CACTIN: variants seen among roughly 807,000 people sequenced by gnomAD.
CACTIN encodes the protein splicing factor Cactin.
Under a neutral mutation model 84.9 loss-of-function variants are expected in CACTIN, and 20 were observed. The observed-to-expected ratio is 0.24, with a 90% CI of 0.17 to 0.34. The LOEUF is 0.34. Among genes scored for constraint, CACTIN ranks in the 10% least tolerant of loss-of-function variants. The pLI, the probability that CACTIN is intolerant of heterozygous loss-of-function variation, is 1.00. For missense variants in CACTIN, 897 were observed against 1,117.2 expected (o/e 0.80, Z 2.81); for synonymous variants, 549 against 467.9 (o/e 1.17, Z -2.24).
intron 2 of CACTIN, among the ~76,000 whole-genome samples, chr19:3,622,418 G>A (rs1157760832): frequency 6.6e-6 from 1 of 151,706 alleles, no homozygotes. Context: ...GTAAGATGAG[G>A]TCATCCTGGA....
At chr19:3,618,020 C>A (rs2033140836) in intron 6 of CACTIN, among the ~76,000 whole-genome samples, 1 of 152,222 alleles carries the variant, frequency 6.6e-6, no homozygotes. Flanking sequence ...TCCTCGGCCA[C>A]CATGATGGCA....
Position 3,612,407 on chromosome 19 carries a change from G to C in CACTIN, c.1793C>G (p.Ala598Gly). Residue 598 changes from alanine to glycine, a missense_variant, in exon 10 of 10, where the codon GCC becomes GGC. By Grantham distance (60) the Ala-to-Gly change is moderately conservative. Around this residue, in one of 8 missense-constraint regions of CACTIN, gnomAD observed 243 missense variants for 239.9 expected, o/e 1.01. Transcript: ENST00000429344. ...SRQQLQVTGDASESAEDIFFR... is the reference protein window; with the variant it reads ...SRQQLQVTGDGSESAEDIFFR... ...GAAGATGTCCTCGGCGCTCTCGCTG[G>C]CGTCTCCTGCGGGCGGGACGGCGTT... The C allele has an allele frequency of 6.3e-7, 1 of 1,591,002 alleles. No individual in the cohort carries two copies. The highest frequency in any genetic ancestry group is 8.5e-7 in the Non-Finnish European group (1 of 1,172,502).
intron 6 of CACTIN, chr19:3,616,130 G>C (rs1266016213): frequency 6.6e-6 from 1 of 152,252 alleles, no homozygotes; most frequent in African/African-American, 2.4e-5. Context: ...AGCTGCTAGA[G>C]GCTGGGGGTG....
In CACTIN at chr19:3,622,115, C is replaced by T. The variant is rs929081027; in HGVS notation, c.643-1313G>A. On this transcript the variant is annotated intron_variant, in intron 2 of 9. Transcript: ENST00000429344. ...GTATGGTGGCTGACACCTGTAATCC[C>T]AGCATATTGGGAGGCCAAGGCGGGC... is the stretch of plus-strand genomic sequence containing the variant. Among the ~76,000 whole-genome samples, 10 of 152,232 alleles carry T rather than the reference C, an allele frequency of 6.6e-5. 1 individual carries two copies. In the South Asian group the frequency reaches 2.1e-3, roughly 32 times the overall value.
At position 3,611,154 on chromosome 19, in the gene CACTIN, G is replaced by T. The variant is rs1205848054; in HGVS notation, c.*769C>A. 7.7e-6 allele frequency: 3 copies of T among 388,334 alleles called. No individual in the cohort carries two copies. Among genetic ancestry groups the T allele is most frequent in the African/African-American group, 2.1e-5 (1 of 47,872 alleles). The allele number at this position is 388,334 out of a possible 1,614,324, so 24.1% of individuals were successfully genotyped here. On this transcript the variant is annotated 3_prime_UTR_variant, in exon 10 of 10. Transcript: ENST00000429344. ...CCCTCCAGGCCCTGTGCTCAGAGGT[G>T]GGGGGAGGACGGCTCAGTGACTTTT... is the stretch of plus-strand genomic sequence containing the variant.
Position 3,613,332 on chromosome 19 carries a change from G to A in CACTIN, c.1512C>T (p.Pro504=), listed in dbSNP as rs907008950. Residue 504 remains proline, a synonymous_variant, in exon 9 of 10, where the codon CCC becomes CCT. Coordinates refer to ENST00000429344, the MANE Select transcript of CACTIN (RefSeq NM_001080543.2). The part of the protein sequence containing the change: ...LEPEDAAPTP[P]GPSSEGGPAE... Reference sequence around the variant, plus strand: ...CGGGGCCGCCCTCCGAGGAGGGCCCGGGCGGGGTGGGCGCCGCGTCCTCAG... The same window carrying A: ...CGGGGCCGCCCTCCGAGGAGGGCCCAGGCGGGGTGGGCGCCGCGTCCTCAG... 69 of 1,518,776 alleles carry A rather than the reference G, an allele frequency of 4.5e-5. No individual in the cohort carries two copies. The highest frequency in any genetic ancestry group is 1.7e-4 in the Middle Eastern group (1 of 5,728). The allele number at this position is 1,518,776 out of a possible 1,614,324, so 94.1% of individuals were successfully genotyped here.
chr19:3,617,298 G>A (rs927441837), intron 6 of CACTIN, among the ~76,000 whole-genome samples: 11 of 152,200 alleles, frequency 7.2e-5, no homozygotes, highest in African/African-American at 2.7e-4. Flanking sequence ...AAAAGTAAAA[G>A]GAAAACCCCA....
chr19:3,617,583 T>C (rs558019152), intron 6 of CACTIN, among the ~76,000 whole-genome samples: 4 of 149,882 alleles, frequency 2.7e-5, no homozygotes, highest in African/African-American at 9.7e-5. Flanking sequence ...CCCAGGCTTA[T>C]AGGAGAGGCC....
intron 9 of CACTIN, 75 bp downstream of exon 9, chr19:3,612,983 G>A (rs1599883430): frequency 4.7e-6 from 7 of 1,490,186 alleles, no homozygotes; most frequent in East Asian, 2.5e-5. Flanking sequence ...CTTCGGCCGG[G>A]AAATGAGGCT....
In CACTIN at chr19:3,619,635, C is replaced by A. The variant is rs1023935308; in HGVS notation, c.885-393G>T. Among the ~76,000 whole-genome samples the A allele has an allele frequency of 3.3e-5, 5 of 152,266 alleles. No individual in the cohort carries two copies. The East Asian group carries it at 5.8e-4, about 18-fold the overall frequency. On this transcript the variant is annotated intron_variant, in intron 4 of 9. Coordinates refer to ENST00000429344, the MANE Select transcript of CACTIN (RefSeq NM_001080543.2). ...CCTTGCAACCACCTCCTCCCCCAGG[C>A]AGACCACTCGGGGCAGAGAGCCGGG... is the stretch of plus-strand genomic sequence containing the variant.
rs2033007288 is a variant in CACTIN at position 3,613,087 on chromosome 19, T to C, written c.1757A>G (p.Gln586Arg). The stretch of plus-strand genomic sequence containing the variant: ...GACCTGGAGCTGCTGGCGCGAGAGC[T>C]GCAGGCGCTGCAGGTCCTCATCCGG... ...LEPDEDLQRLQLSRQQLQVTG... is the reference protein window; with the variant it reads ...LEPDEDLQRLRLSRQQLQVTG... Residue 586 changes from glutamine (Q) to arginine (R), a missense_variant, in exon 9 of 10, where the codon CAG (glutamine) becomes CGG (arginine). Gln to Arg is a conservative substitution (Grantham distance 43). Transcript: ENST00000429344. 20 of 1,584,136 alleles carry C rather than the reference T, an allele frequency of 1.3e-5. No homozygotes were observed. The highest frequency in any genetic ancestry group is 1.7e-5 in the Non-Finnish European group (20 of 1,169,864).
At position 3,620,251 on chromosome 19, in the gene CACTIN, G is replaced by T. The variant is rs750803352; in HGVS notation, c.760C>A (p.Arg254=). ...LQKVKQLRLE[R]EREKAMREQE... ...TCGCGCATGGCCTTCTCCCGCTCCC[G>T]CTCCAGCCGCAGCTGCTTCACCTGC... Residue 254 remains arginine, a synonymous_variant, in exon 4 of 10, where the codon CGG becomes AGG. Transcript: ENST00000429344. 13 of 1,577,914 alleles carry T rather than the reference G, an allele frequency of 8.2e-6. No homozygotes were observed. The South Asian group carries it at 1.4e-4, about 17-fold the overall frequency.
intron 6 of CACTIN, chr19:3,614,828 C>A: frequency 1.8e-6 from 1 of 568,136 alleles, no homozygotes. Flanking sequence ...AGGCCTTGAC[C>A]TGGAGGCCCA....
rs370233931 is a variant in CACTIN, at chr19:3,619,255, G to A, written c.885-13C>T. 1.9e-5 allele frequency: 30 copies of A among 1,610,822 alleles called. No homozygotes were observed. The African/African-American group carries it at 2.9e-4, about 16-fold the overall frequency. ...GCGGATCTTGGAACTGTGGGGAGCA[G>A]GGGAAGGTGGCATCAGAGCCTGGGC... On this transcript the variant is annotated splice_polypyrimidine_tract_variant and intron_variant, in intron 4 of 9. Transcript: ENST00000429344.
chr19:3,621,723 G>T (rs1349823787), intron 2 of CACTIN, among the ~76,000 whole-genome samples: 4 of 152,216 alleles, frequency 2.6e-5, no homozygotes, highest in African/African-American at 4.8e-5. Flanking sequence ...ACTCTGGGGG[G>T]TCTGGGGAGC....
rs373861034 is a variant in CACTIN, at chr19:3,613,499, G to A, written c.1443C>T (p.Pro481=). Residue 481 remains proline, a synonymous_variant, in exon 8 of 10, where the codon CCC becomes CCT. Coordinates refer to ENST00000429344, the MANE Select transcript of CACTIN (RefSeq NM_001080543.2). The part of the protein sequence containing the change: ...EQGVESEPLF[P]ILKQEPQSPS... ...GGGACTGGGGCTCCTGCTTGAGGAT[G>A]GGGAACAGCGGCTCGCTCTCCACGC... 1.2e-5 allele frequency: 19 copies of A among 1,585,338 alleles called. No homozygotes were observed. The African/African-American group carries it at 2.5e-4, about 21-fold the overall frequency.
intron 6 of CACTIN, among the ~76,000 whole-genome samples, chr19:3,618,142 G>A (rs955884209): frequency 2.6e-5 from 4 of 151,430 alleles, no homozygotes; most frequent in Non-Finnish European, 5.9e-5. Flanking sequence ...ATTTTGGCGG[G>A]GAGGGGGCAG....
chr19:3,624,152 C>T lies in CACTIN; in HGVS notation c.178G>A (p.Glu60Lys). The T allele has an allele frequency of 6.4e-7, 1 of 1,563,006 alleles. No individual in the cohort carries two copies. Among genetic ancestry groups the T allele is most frequent in the South Asian group, 1.1e-5 (1 of 87,300 alleles). ...CCTGAGCGCTGCCACCGCTCTTCCT[C>T]TGAATCTGACCTGCGGAGAGGACCA... ...RRSRERRSDS[E>K]EERWQRSGMR... The change falls in exon 2 of 10, where the codon GAG becomes AAG. Residue 60 changes from glutamate to lysine, a missense_variant. Physicochemically the swap from Glu to Lys is moderately conservative, Grantham distance 56. Transcript: ENST00000429344.
chr19:3,617,292 G>A (rs555408111), intron 6 of CACTIN, among the ~76,000 whole-genome samples: 2 of 152,346 alleles, frequency 1.3e-5, no homozygotes, highest in East Asian at 1.9e-4. Flanking sequence ...AAAATGAAAA[G>A]TAAAAGGAAA....
Sources: allele counts gnomAD v4.1 joint callset (sites outside exome capture counted in the v4.1 genomes callset), GRCh38; gene constraint gnomAD v4.1.1; regional missense constraint gnomAD v4.1.1; transcripts MANE v1.5; gene names NCBI Gene and HGNC (gene_info 2026-07-23, HGNC 2026-07-21).